Variants in TMEM245 observed in about 807,000 individuals in gnomAD.
TMEM245 encodes protein CG-2.
Under a neutral mutation model 101.2 loss-of-function variants are expected in TMEM245, and 69 were observed. The ratio of observed to expected loss-of-function variants is 0.68; its 90% CI spans 0.56 to 0.83. The LOEUF (loss-of-function observed/expected upper bound fraction) is 0.83, where lower values mean the gene tolerates loss of function less well. Among genes scored for constraint, TMEM245 ranks in the 40% least tolerant of loss-of-function variants. The probability of loss-of-function intolerance (pLI) is 0.00; values close to 1 mark genes in which losing one functional copy is unlikely to be tolerated. For synonymous variants in TMEM245, 537 were observed against 449.8 expected (o/e 1.19, Z -2.45); for missense variants, 1,075 against 1,092.8 (o/e 0.98, Z 0.23).
At chr9:109,050,178 A>C in intron 14 of TMEM245, 105 bp downstream of exon 14, 2 of 1,285,876 alleles carry the variant, frequency 1.6e-6, no homozygotes, top group African/African-American at 3.0e-5. Context: ...AGAGTCCATC[A>C]CGAGTTTAGC....
Position 109,117,062 on chromosome 9 carries a change from CTTT to C in TMEM245, c.579+2270_579+2272del, listed in dbSNP as rs567403798. Among the ~76,000 whole-genome samples, 359 of 152,174 alleles carry C rather than the reference CTTT, an allele frequency of 2.4e-3. 1 individual carries two copies. Among genetic ancestry groups the C allele is most frequent in the South Asian group, 0.012 (60 of 4,832 alleles). ...AGTTTGTTTTTTTTTAACCCTCTCT[CTTT>C]TTCCTTGCTCCCAACACTTGAGCCA... On this transcript the variant is annotated intron_variant, in intron 1 of 17. Coordinates refer to ENST00000374586, the MANE Select transcript of TMEM245 (RefSeq NM_032012.4).
At chr9:109,026,775 T>C (rs898511983) in intron 17 of TMEM245, among the ~76,000 whole-genome samples, 3 of 151,890 alleles carry the variant, frequency 2.0e-5, no homozygotes, top group East Asian at 1.9e-4. Context: ...CCCTCATGAA[T>C]GGTTTGGTGC....
rs1314157394 is a variant in TMEM245 at position 109,119,593 on chromosome 9, G to A, written c.321C>T (p.His107=). 1.3e-6 allele frequency: 2 copies of A among 1,552,186 alleles called. No individual in the cohort carries two copies. The highest frequency in any genetic ancestry group is 2.8e-5 in the African/African-American group (2 of 72,430). ...GCGCGCGGTGCAGGCGCTGCAGCCA[G>A]TGGCGGCCCAGGCGCGTCAGCGAGC... ...FKSSLTRLGR[H]WLQRLHRAHT... The change falls in exon 1 of 18, where the codon CAC becomes CAT. Residue 107 remains histidine (H), a synonymous_variant. Transcript: ENST00000374586.
chr9:109,059,773 G>A (rs1451961715), intron 11 of TMEM245, among the ~76,000 whole-genome samples: 1 of 151,970 alleles, frequency 6.6e-6, no homozygotes, highest in Non-Finnish European at 1.5e-5. Flanking sequence ...AGTTATTAAT[G>A]CCTACAGTTG....
intron 11 of TMEM245, among the ~76,000 whole-genome samples, chr9:109,060,069 T>C (rs1828963803): frequency 6.6e-6 from 1 of 152,226 alleles, no homozygotes; most frequent in Non-Finnish European, 1.5e-5. Flanking sequence ...CATTACCTTA[T>C]GTGGCTTGCA....
chr9:109,108,387 C>G, intron 2 of TMEM245, 66 bp downstream of exon 2: 2 of 799,424 alleles, frequency 2.5e-6, no homozygotes, highest in South Asian at 2.4e-5. Flanking sequence ...CTTTCATTCA[C>G]ACAGTCAGCC....
chr9:109,075,794 C>T (rs1020379540), intron 8 of TMEM245, among the ~76,000 whole-genome samples: 7 of 152,132 alleles, frequency 4.6e-5, no homozygotes, highest in Non-Finnish European at 8.8e-5. Flanking sequence ...AAAGAAACAG[C>T]TTTTGAGTTT....
intron 15 of TMEM245, among the ~76,000 whole-genome samples, chr9:109,036,861 T>C (rs1261214816): frequency 6.6e-6 from 1 of 152,190 alleles, no homozygotes; most frequent in Non-Finnish European, 1.5e-5. Flanking sequence ...TCTTCCTCCA[T>C]CTGGCTTCTC....
chr9:109,087,126 AAT>A (rs1213693058), intron 6 of TMEM245, 45 bp downstream of exon 6: 2 of 1,510,382 alleles, frequency 1.3e-6, no homozygotes, highest in African/African-American at 2.8e-5. Flanking sequence ...CAAACCACGA[AAT>A]ATATTAACTC....
At chr9:109,053,189 G>A in intron 12 of TMEM245, among the ~76,000 whole-genome samples, 1 of 152,298 alleles carries the variant, frequency 6.6e-6, no homozygotes, top group East Asian at 1.9e-4. Context: ...ACTTTGGGAG[G>A]CCAAGGTGAG....
intron 14 of TMEM245, among the ~76,000 whole-genome samples, chr9:109,047,884 C>A (rs1828546624): frequency 6.6e-6 from 1 of 152,188 alleles, no homozygotes; most frequent in South Asian, 2.1e-4. Context: ...CTTTACCCCA[C>A]TGGGAAGATA....
At chr9:109,065,425 T>C (rs1419893150) in intron 9 of TMEM245, among the ~76,000 whole-genome samples, 2 of 152,130 alleles carry the variant, frequency 1.3e-5, no homozygotes, top group Non-Finnish European at 2.9e-5. Flanking sequence ...GAATCACTAA[T>C]CTAAGGAAGT....
Position 109,020,689 on chromosome 9 carries a change from G to A in TMEM245, c.2595-184C>T, listed in dbSNP as rs574417672. Among the ~76,000 whole-genome samples, 20 of 152,184 alleles carry A rather than the reference G, an allele frequency of 1.3e-4. No individual in the cohort carries two copies. In the East Asian group the frequency reaches 3.9e-3, roughly 29 times the overall value. On this transcript the variant is annotated intron_variant, in intron 17 of 17. Coordinates refer to ENST00000374586, the MANE Select transcript of TMEM245 (RefSeq NM_032012.4). The stretch of plus-strand genomic sequence containing the variant: ...TTAACAAGAACTCCATCTTTTTGCT[G>A]GATCTATCCAAAGGACTGTTTCCCC...
intron 9 of TMEM245, among the ~76,000 whole-genome samples, chr9:109,068,654 A>G (rs1588049013): frequency 6.6e-6 from 1 of 152,282 alleles, no homozygotes; most frequent in East Asian, 1.9e-4. Flanking sequence ...AAACAAAAAC[A>G]AAAACCTTCC....
intron 8 of TMEM245, among the ~76,000 whole-genome samples, chr9:109,074,804 C>T (rs1189607539): frequency 6.6e-6 from 1 of 152,166 alleles, no homozygotes; most frequent in South Asian, 2.1e-4. Flanking sequence ...ATACCACTTC[C>T]AATTCTATCG....
intron 10 of TMEM245, among the ~76,000 whole-genome samples, chr9:109,063,594 C>T (rs982177086): frequency 6.6e-6 from 1 of 152,178 alleles, no homozygotes; most frequent in Admixed American, 6.5e-5. Flanking sequence ...ACTAAAAGTG[C>T]AAATTACCTT....
At chr9:109,041,610 G>A (rs1042184061) in intron 14 of TMEM245, among the ~76,000 whole-genome samples, 1 of 151,314 alleles carries the variant, frequency 6.6e-6, no homozygotes, top group Non-Finnish European at 1.5e-5. Flanking sequence ...GATGGTCAAA[G>A]GGTACAAAGT....
At chr9:109,036,577 T>G (rs945900273) in intron 15 of TMEM245, among the ~76,000 whole-genome samples, 197 bp from the exon 16 acceptor site, 1 of 152,178 alleles carries the variant, frequency 6.6e-6, no homozygotes, top group African/African-American at 2.4e-5. Flanking sequence ...TCTTAAAATG[T>G]GATACTAAAA....
chr9:109,043,501 TTTC>T (rs1828380142), intron 14 of TMEM245, among the ~76,000 whole-genome samples: 1 of 152,230 alleles, frequency 6.6e-6, no homozygotes, highest in African/African-American at 2.4e-5. Flanking sequence ...ATATCTGCCT[TTTC>T]TTGGTTTTCT....
Sources: gnomAD v4.1 joint callset for allele counts (sites outside exome capture counted in the v4.1 genomes callset) on GRCh38, gnomAD v4.1.1 for gene constraint, MANE v1.5 for transcripts, NCBI Gene and HGNC (gene_info 2026-07-23, HGNC 2026-07-21) for gene names.